SLMAP: variants seen among roughly 807,000 people sequenced by gnomAD.
The protein encoded by SLMAP is sarcolemma associated protein.
In SLMAP, 44 loss-of-function variants were observed where a neutral mutation model predicts 128.8. The observed-to-expected ratio is 0.34, with a 90% CI of 0.27 to 0.44. The LOEUF (loss-of-function observed/expected upper bound fraction) is 0.44. SLMAP is among the 20% of genes least tolerant of loss of function. The pLI, the probability that SLMAP is intolerant of heterozygous loss-of-function variation, is 1.00. For synonymous variants in SLMAP, 327 were observed against 348.8 expected (o/e 0.94, Z 0.70); for missense variants, 787 against 985.3 (o/e 0.80, Z 2.69).
At chr3:57,828,103 G>A (rs138618294) in intron 2 of SLMAP, among the ~76,000 whole-genome samples, 294 of 152,198 alleles carry the variant, frequency 1.9e-3, no homozygotes, top group African/African-American at 6.7e-3. Flanking sequence ...GATAACAGGC[G>A]TGCACCACCA....
chr3:57,815,224 G>A (rs1182887125), intron 2 of SLMAP, among the ~76,000 whole-genome samples: 2 of 152,140 alleles, frequency 1.3e-5, no homozygotes, highest in Non-Finnish European at 2.9e-5. Context: ...CCACTGATCT[G>A]ACAGGAAGTG....
At chr3:57,843,553 A>G (rs1577421023) in intron 4 of SLMAP, among the ~76,000 whole-genome samples, 2 of 149,548 alleles carry the variant, frequency 1.3e-5, no homozygotes, top group Admixed American at 6.6e-5. Flanking sequence ...CAGTCCACCC[A>G]CCTTGGTCTC....
chr3:57,836,998 G>C (rs1193503352), intron 3 of SLMAP, among the ~76,000 whole-genome samples: 1 of 152,158 alleles, frequency 6.6e-6, no homozygotes, highest in Non-Finnish European at 1.5e-5. Context: ...CTTTTTCTTA[G>C]TTAAGCTCCT....
At chr3:57,823,122 G>T (rs377013013) in intron 2 of SLMAP, among the ~76,000 whole-genome samples, 1 of 152,084 alleles carries the variant, frequency 6.6e-6, no homozygotes, top group African/African-American at 2.4e-5. Context: ...TTGCTGGGGG[G>T]AAAAATGGAC....
At chr3:57,851,305 T>A (rs1438103056) in intron 6 of SLMAP, among the ~76,000 whole-genome samples, 1 of 151,982 alleles carries the variant, frequency 6.6e-6, no homozygotes, top group African/African-American at 2.4e-5. Context: ...AATGCCATAT[T>A]TAAAGAACCG....
In SLMAP at chr3:57,851,825, T is replaced by G. The variant is rs190461577; in HGVS notation, c.519+2009T>G. ...TCTTAGTTCTGCTACTCAACCCACT[T>G]TTGTGACCTTGAGTGAGTCATTTTA... On this transcript the variant is annotated intron_variant, in intron 6 of 24. Transcript: ENST00000671191. Among the ~76,000 whole-genome samples, 160 of 152,090 alleles carry G rather than the reference T, an allele frequency of 1.1e-3. 2 individuals are homozygous for G. The highest frequency in any genetic ancestry group is 8.6e-3 in the Admixed American group (131 of 15,274).
intron 16 of SLMAP, 37 bp from the exon 17 acceptor site, chr3:57,896,836 G>T: frequency 6.4e-7 from 1 of 1,568,512 alleles, no homozygotes; most frequent in East Asian, 2.3e-5. Context: ...TCTGAATACT[G>T]TCTGTAATTA....
intron 3 of SLMAP, among the ~76,000 whole-genome samples, chr3:57,838,809 G>A (rs2093767768): frequency 1.3e-5 from 2 of 152,154 alleles, no homozygotes; most frequent in East Asian, 1.9e-4. Flanking sequence ...CTTGGAGATC[G>A]CAGGTAGCTT....
Position 57,838,163 on chromosome 3 carries a change from T to G in SLMAP, c.347-3136T>G, listed in dbSNP as rs192016314. On this transcript the variant is annotated intron_variant, in intron 3 of 24. Transcript: ENST00000671191. ...ACTTGTTCTACCTATTTTTCTTTTT[T>G]AAAAAAACAACTTTCTACCAAATTA... Among the ~76,000 whole-genome samples the G allele has an allele frequency of 5.3e-5, 8 of 152,306 alleles. No homozygotes were observed. In the East Asian group the frequency reaches 1.3e-3, roughly 26 times the overall value.
At chr3:57,917,348 A>G in intron 22 of SLMAP, 1 of 656,834 alleles carries the variant, frequency 1.5e-6, no homozygotes, top group Non-Finnish European at 2.3e-6. Flanking sequence ...AATCCTTTGT[A>G]CCAGGTCTCT....
intron 3 of SLMAP, among the ~76,000 whole-genome samples, chr3:57,839,434 ATTTTTTTT>A (rs1189313640): frequency 1.2e-5 from 1 of 82,866 alleles, no homozygotes; most frequent in Non-Finnish European, 2.3e-5. Context: ...CATTAGCTCT[ATTTTTTTT>A]TTTTTTTTTT....
At chr3:57,882,544 T>C (rs919081727) in intron 14 of SLMAP, among the ~76,000 whole-genome samples, 8 of 152,250 alleles carry the variant, frequency 5.3e-5, no homozygotes, top group African/African-American at 1.4e-4. Context: ...GTAAATATTT[T>C]AGTCTTTGCA....
rs778934088 is a variant in SLMAP, at chr3:57,912,374, T to G, written c.1700-7T>G. 1 of 1,602,754 alleles carries G rather than the reference T, an allele frequency of 6.2e-7. No homozygotes were observed. Among genetic ancestry groups the G allele is most frequent in the Non-Finnish European group, 8.5e-7 (1 of 1,170,282 alleles). ...GGGCCAAGAAAATGATGGATATACTTTTGCAGCCCAATTGCAGAGGTTACA... is the reference window on the plus strand; with the variant it reads ...GGGCCAAGAAAATGATGGATATACTGTTGCAGCCCAATTGCAGAGGTTACA... On this transcript the variant is annotated splice_polypyrimidine_tract_variant and splice_region_variant and intron_variant, in intron 19 of 24. Coordinates refer to ENST00000671191, the MANE Select transcript of SLMAP (RefSeq NM_001377540.1).
At chr3:57,886,384 C>A (rs1395668820) in intron 14 of SLMAP, among the ~76,000 whole-genome samples, 1 of 152,144 alleles carries the variant, frequency 6.6e-6, no homozygotes, top group Non-Finnish European at 1.5e-5. Flanking sequence ...CAGGCATGAG[C>A]CACTGCACCC....
chr3:57,818,166 G>GT (rs1243115308), intron 2 of SLMAP, among the ~76,000 whole-genome samples: 1 of 151,854 alleles, frequency 6.6e-6, no homozygotes, highest in East Asian at 1.9e-4. Flanking sequence ...GTTTTGTTTT[G>GT]TTTTTTGAGA....
At chr3:57,895,923 A>G (rs887981340) in intron 15 of SLMAP, among the ~76,000 whole-genome samples, 1 of 151,784 alleles carries the variant, frequency 6.6e-6, no homozygotes, top group African/African-American at 2.4e-5. Context: ...CAGCCTGGAC[A>G]ACAGAGCAAG....
At chr3:57,907,770 C>A in intron 17 of SLMAP, 114 bp from the exon 18 acceptor site, 1 of 939,830 alleles carries the variant, frequency 1.1e-6, no homozygotes, top group Non-Finnish European at 1.5e-6. Context: ...TTATTTAACT[C>A]AGTTGTTCTA....
At chr3:57,766,904 CT>C (rs918380038) in intron 2 of SLMAP, among the ~76,000 whole-genome samples, 2 of 147,792 alleles carry the variant, frequency 1.4e-5, no homozygotes, top group African/African-American at 2.7e-5. Context: ...TTCTTTATTT[CT>C]TTTTTTTAAA....
intron 7 of SLMAP, 110 bp from the exon 8 acceptor site, chr3:57,857,978 T>C (rs913839603): frequency 7.7e-6 from 7 of 914,056 alleles, no homozygotes; most frequent in Admixed American, 2.1e-5. Flanking sequence ...CAGTGGATGC[T>C]GGTCAGTTTT....
Sources: allele counts gnomAD v4.1 joint callset (sites outside exome capture counted in the v4.1 genomes callset), GRCh38; gene constraint gnomAD v4.1.1; transcripts MANE v1.5; gene names NCBI Gene and HGNC (gene_info 2026-07-23, HGNC 2026-07-21).